Variants in CD2AP observed in about 807,000 individuals in gnomAD.
CD2AP encodes CD2 associated protein, also known as CD2-associated protein.
A neutral mutation model predicts 85.1 loss-of-function variants in CD2AP; 46 were observed. That is an observed-to-expected ratio of 0.54 (90% CI 0.43 to 0.69). CD2AP has a LOEUF of 0.69. CD2AP is among the 30% of genes least tolerant of loss of function. The pLI is 0.00. For synonymous variants in CD2AP, 255 were observed against 252.9 expected, an observed-to-expected ratio of 1.01 and a Z score of -0.08; for missense variants, 769 against 729.5, an observed-to-expected ratio of 1.05 and a Z score of -0.62.
At chr6:47,607,228 C>G (rs1456901679) in intron 14 of CD2AP, among the ~76,000 whole-genome samples, 3 of 152,018 alleles carry the variant, frequency 2.0e-5, no homozygotes, top group Non-Finnish European at 4.4e-5. Flanking sequence ...TAGGTTGATT[C>G]CAATTCTTGG....
At chr6:47,518,523 A>C (rs1034715461) in intron 2 of CD2AP, among the ~76,000 whole-genome samples, 7 of 152,242 alleles carry the variant, frequency 4.6e-5, no homozygotes, top group Admixed American at 1.3e-4. Flanking sequence ...TATGTATACC[A>C]CAGTGTTTAT....
intron 1 of CD2AP, among the ~76,000 whole-genome samples, chr6:47,495,598 C>T (rs1010242699): frequency 2.0e-5 from 3 of 152,144 alleles, no homozygotes; most frequent in African/African-American, 7.2e-5. Context: ...AGATCTCGTC[C>T]GTGACTCTCT....
At chr6:47,560,034 T>C (rs1767811251) in intron 5 of CD2AP, among the ~76,000 whole-genome samples, 1 of 152,164 alleles carries the variant, frequency 6.6e-6, no homozygotes, top group South Asian at 2.1e-4. Context: ...TCCATACTAT[T>C]ATATTACTCA....
chr6:47,614,693 CACAGGATT>C (rs1444191073), intron 17 of CD2AP, among the ~76,000 whole-genome samples: 1 of 152,172 alleles, frequency 6.6e-6, no homozygotes, highest in African/African-American at 2.4e-5. Flanking sequence ...AGTTGCTCAG[CACAGGATT>C]ACCACAAGCC....
chr6:47,485,202 A>G (rs1765538515), intron 1 of CD2AP, among the ~76,000 whole-genome samples: 1 of 152,168 alleles, frequency 6.6e-6, no homozygotes, highest in East Asian at 1.9e-4. Flanking sequence ...TTAACTGTAA[A>G]ACATCCTCAG....
chr6:47,594,778 CA>C (rs1439822402), intron 11 of CD2AP, among the ~76,000 whole-genome samples: 1 of 151,756 alleles, frequency 6.6e-6, no homozygotes, highest in Non-Finnish European at 1.5e-5. Context: ...TCATATGATT[CA>C]AAGTATTAAA....
intron 5 of CD2AP, among the ~76,000 whole-genome samples, chr6:47,557,696 G>A (rs1767734421): frequency 6.6e-6 from 1 of 151,998 alleles, no homozygotes; most frequent in Admixed American, 6.6e-5. Flanking sequence ...TATCTTTTTT[G>A]GTACCAGACC....
At chr6:47,507,935 G>A (rs1766217673) in intron 2 of CD2AP, among the ~76,000 whole-genome samples, 1 of 152,160 alleles carries the variant, frequency 6.6e-6, no homozygotes, top group South Asian at 2.1e-4. Context: ...TCTGCAGTAG[G>A]TCTCAACAGT....
At chr6:47,576,982 C>A in intron 7 of CD2AP, 27 bp from the exon 8 acceptor site, 1 of 1,139,382 alleles carries the variant, frequency 8.8e-7, no homozygotes, top group African/African-American at 1.5e-5. Flanking sequence ...TTTGTGTGAG[C>A]CACATTATTT....
Position 47,599,348 on chromosome 6 carries a change from C to A in CD2AP, c.1322C>A (p.Pro441Gln), listed in dbSNP as rs1769047315. 6 of 1,611,620 alleles carry A rather than the reference C, an allele frequency of 3.7e-6. No individual in the cohort carries two copies. In the East Asian group the frequency reaches 1.3e-4, roughly 36 times the overall value. Residue 441 changes from proline to glutamine, a missense_variant, in exon 13 of 18, where the codon CCA (proline) becomes CAA (glutamine). Transcript: ENST00000359314. The part of the protein sequence containing the change: ...SSISSKFETE[P>Q]VSKLKLDSEQ... Reference sequence around the variant, plus strand: ...ATTTCATCAAAATTTGAAACTGAGCCAGTATCAAAACTAAAGCTAGATTCT... The same window carrying A: ...ATTTCATCAAAATTTGAAACTGAGCAAGTATCAAAACTAAAGCTAGATTCT...
chr6:47,536,614 T>C (rs1393102395), intron 3 of CD2AP, among the ~76,000 whole-genome samples: 1 of 152,214 alleles, frequency 6.6e-6, no homozygotes, highest in Non-Finnish European at 1.5e-5. Context: ...GTGAAAACTT[T>C]TGCTATGATC....
chr6:47,601,246 T>C (rs1326452712), intron 13 of CD2AP, among the ~76,000 whole-genome samples: 2 of 152,038 alleles, frequency 1.3e-5, no homozygotes, highest in Middle Eastern at 3.4e-3. Flanking sequence ...ACTCCCTATA[T>C]AGTAAACAGA....
rs70999626 is a variant in CD2AP, at chr6:47,492,347, CTTTTT to C, written c.5-10914_5-10910del. Among the ~76,000 whole-genome samples, 153 of 95,514 alleles carry C rather than the reference CTTTTT, an allele frequency of 1.6e-3. 1 individual carries two copies. In the South Asian group the frequency reaches 0.039, roughly 24 times the overall value. 62.7% of individuals were successfully genotyped at this position (95,514 alleles called of 152,430 possible). ...GGGTTTGGTGGCTCACACCTGTAAT[CTTTTT>C]TTTTTTTTTTTTTTTTTTGAGACAG... On this transcript the variant is annotated intron_variant, in intron 1 of 17. Coordinates refer to ENST00000359314, the MANE Select transcript of CD2AP (RefSeq NM_012120.3).
At chr6:47,483,205 C>T (rs1185214508) in intron 1 of CD2AP, among the ~76,000 whole-genome samples, 1 of 152,176 alleles carries the variant, frequency 6.6e-6, no homozygotes, top group East Asian at 1.9e-4. Flanking sequence ...ATTATCTCAG[C>T]AGTCAGGCAG....
At chr6:47,568,195 A>G (rs1768055387) in intron 5 of CD2AP, among the ~76,000 whole-genome samples, 1 of 152,240 alleles carries the variant, frequency 6.6e-6, no homozygotes, top group Non-Finnish European at 1.5e-5. Context: ...ATGTATCGTT[A>G]AAATAGATGC....
intron 2 of CD2AP, among the ~76,000 whole-genome samples, chr6:47,529,452 C>A (rs1015796661): frequency 6.6e-6 from 1 of 152,022 alleles, no homozygotes; most frequent in Non-Finnish European, 1.5e-5. Context: ...GTGTGCCTTG[C>A]GATGGAATGG....
Position 47,625,629 on chromosome 6 carries a change from G to A in CD2AP, c.*1402G>A, listed in dbSNP as rs1769888704. 6.6e-6 allele frequency: 1 copy of A among 151,636 alleles called. No homozygotes were observed. Among genetic ancestry groups the A allele is most frequent in the African/African-American group, 2.4e-5 (1 of 41,344 alleles). The allele number at this position is 151,636 out of a possible 1,614,324, so 9.4% of individuals were successfully genotyped here. On this transcript the variant is annotated 3_prime_UTR_variant, in exon 18 of 18. Transcript: ENST00000359314. ...TCGCAAATGAGTGTCAGATTTTTGA[G>A]TACCAATGATCATGCTTCCATTTTT... is the stretch of plus-strand genomic sequence containing the variant.
intron 4 of CD2AP, among the ~76,000 whole-genome samples, chr6:47,552,245 C>CACCT (rs1188911882): frequency 1.3e-5 from 2 of 152,104 alleles, no homozygotes; most frequent in Non-Finnish European, 2.9e-5. Context: ...GTGCACCCAT[C>CACCT]ACCTGAGCAG....
At chr6:47,489,339 TG>T (rs1039246716) in intron 1 of CD2AP, among the ~76,000 whole-genome samples, 1 of 151,936 alleles carries the variant, frequency 6.6e-6, no homozygotes, top group African/African-American at 2.4e-5. Flanking sequence ...GACTAATTTT[TG>T]TATTATTATT....
Sources: allele counts gnomAD v4.1 joint callset (sites outside exome capture counted in the v4.1 genomes callset), GRCh38; gene constraint gnomAD v4.1.1; transcripts MANE v1.5; gene names NCBI Gene and HGNC (gene_info 2026-07-23, HGNC 2026-07-21).